Variants in ATP5F1C observed in about 807,000 individuals in gnomAD.
ATP5F1C encodes ATP synthase F1 subunit gamma.
In ATP5F1C, 22 loss-of-function variants were observed where a neutral mutation model predicts 37.4. The observed-to-expected ratio is 0.59, with a 90% confidence interval of 0.42 to 0.84. The LOEUF is 0.84. Ranked by LOEUF, ATP5F1C falls within the 40% of genes least tolerant of loss-of-function variation. The probability of loss-of-function intolerance (pLI) is 0.00; values close to 1 mark genes in which losing one functional copy is unlikely to be tolerated. For missense variants in ATP5F1C, 286 were observed against 362.4 expected (o/e 0.79, Z 1.71); for synonymous variants, 121 against 128.0 (o/e 0.95, Z 0.37).
rs116676587 is a variant in ATP5F1C, at chr10:7,798,143, A to G, written c.224-847A>G. 3.6e-3 allele frequency among the ~76,000 whole-genome samples: 550 copies of G among 152,176 alleles called. 6 individuals carry two copies. The highest frequency in any genetic ancestry group is 0.012 in the African/African-American group (517 of 41,544). ...AAGAAGATCATGCAGTGAACCCCCTATTTATCTACCAAATCCTCAGTATCT... is the reference window on the plus strand; with the variant it reads ...AAGAAGATCATGCAGTGAACCCCCTGTTTATCTACCAAATCCTCAGTATCT... On this transcript the variant is annotated intron_variant, in intron 3 of 9. Transcript: ENST00000356708.
chr10:7,802,289 C>T lies in ATP5F1C; in HGVS notation c.657C>T (p.Asp219=), dbSNP rs149858528. 16 of 1,611,684 alleles carry T rather than the reference C, an allele frequency of 9.9e-6. No homozygotes were observed. The highest frequency in any genetic ancestry group is 2.7e-5 in the African/African-American group (2 of 74,862). Residue 219 remains aspartate, a synonymous_variant, in exon 7 of 10, where the codon GAC becomes GAT. Coordinates refer to ENST00000356708, the MANE Select transcript of ATP5F1C (RefSeq NM_001001973.3). ...VASADSMSIY[D]DIDADVLQNY... ...TAACAGACAGCATGAGTATCTATGACGATATTGATGCTGACGTGCTGCAAA... is the reference window on the plus strand; with the variant it reads ...TAACAGACAGCATGAGTATCTATGATGATATTGATGCTGACGTGCTGCAAA...
intron 4 of ATP5F1C, 98 bp downstream of exon 4, chr10:7,799,292 C>G: frequency 8.6e-7 from 1 of 1,168,744 alleles, no homozygotes. Flanking sequence ...TCATCAATAA[C>G]AAGGTATATT....
In ATP5F1C at chr10:7,799,921, A is replaced by G; in HGVS notation, c.572+6A>G. On this transcript the variant is annotated splice_donor_region_variant and intron_variant, in intron 5 of 9. Coordinates refer to ENST00000356708, the MANE Select transcript of ATP5F1C (RefSeq NM_001001973.3). ...ATCATCTTTAATAAATTCAGGCAAG[A>G]CAGATTTAGAAATCAAAGCTTTTTT... 1.2e-6 allele frequency: 2 copies of G among 1,609,756 alleles called. No individual in the cohort carries two copies. Among genetic ancestry groups the G allele is most frequent in the Non-Finnish European group, 1.7e-6 (2 of 1,178,268 alleles).
intron 4 of ATP5F1C, chr10:7,799,476 T>A (rs936937455): frequency 3.6e-6 from 2 of 553,208 alleles, no homozygotes; most frequent in African/African-American, 3.7e-5. Context: ...TTAAGCCAAA[T>A]GAGGCATCTG....
At chr10:7,796,994 A>G in intron 2 of ATP5F1C, 53 bp from the exon 3 acceptor site, 1 of 1,568,688 alleles carries the variant, frequency 6.4e-7, no homozygotes, top group African/African-American at 1.4e-5. Context: ...ATAAATTCAC[A>G]AGGAAGTTAT....
chr10:7,788,246 G>A lies in ATP5F1C; in HGVS notation c.39G>A (p.Trp13Ter). The A allele has an allele frequency of 6.2e-7, 1 of 1,613,574 alleles. No individual in the cohort carries two copies. The highest frequency in any genetic ancestry group is 1.1e-5 in the South Asian group (1 of 91,010). Residue 13 changes from tryptophan to a stop codon, truncating the protein, a stop_gained, in exon 1 of 10, where the codon TGG becomes TGA. Coordinates refer to ENST00000356708, the MANE Select transcript of ATP5F1C (RefSeq NM_001001973.3). LOFTEE classifies it high-confidence loss of function. ...CGGGTGTCGCTGGGCTGTCGGCCTG[G>A]ACCTTGCAGCCGCAATGGTATGGCA... ...SRAGVAGLSA[W>*]TLQPQWIQVR...
intron 1 of ATP5F1C, among the ~76,000 whole-genome samples, chr10:7,794,443 G>A (rs1836206239): frequency 6.6e-6 from 1 of 151,064 alleles, no homozygotes. Context: ...TGTCTTGTTC[G>A]CAATCTTATG....
chr10:7,800,339 G>A (rs1439382277), intron 6 of ATP5F1C, among the ~76,000 whole-genome samples: 4 of 151,942 alleles, frequency 2.6e-5, no homozygotes, highest in African/African-American at 9.7e-5. Context: ...GGGACTACAG[G>A]CACCCGCCAC....
At chr10:7,792,009 A>T (rs1016102943) in intron 1 of ATP5F1C, among the ~76,000 whole-genome samples, 2 of 152,206 alleles carry the variant, frequency 1.3e-5, no homozygotes, top group Admixed American at 6.5e-5. Context: ...AACTTGTGTC[A>T]GTTGAAGTGT....
At position 7,799,771 on chromosome 10, in the gene ATP5F1C, G is replaced by T. The variant is rs1400129914; in HGVS notation, c.429-1G>T. The T allele has an allele frequency of 6.2e-7, 1 of 1,613,156 alleles. No individual in the cohort carries two copies. The highest frequency in any genetic ancestry group is 2.2e-5 in the East Asian group (1 of 44,868). ...TATGTGAGCTCTTGCTTTTCTTATAGGACTCATTCTGACCAGTTTCTGGTG... is the reference window on the plus strand; with the variant it reads ...TATGTGAGCTCTTGCTTTTCTTATATGACTCATTCTGACCAGTTTCTGGTG... On this transcript the variant is annotated splice_acceptor_variant, in intron 4 of 9. Coordinates refer to ENST00000356708, the MANE Select transcript of ATP5F1C (RefSeq NM_001001973.3). LOFTEE classifies it high-confidence loss of function.
Position 7,799,038 on chromosome 10 carries a change from A to T in ATP5F1C, c.272A>T (p.His91Leu). The part of the protein sequence containing the change: ...DIKGPEDKKK[H>L]LLIGVSSDRG... Reference sequence around the variant, plus strand: ...AAGGGGCCTGAAGACAAGAAGAAACACCTCCTTATTGGTGTGTCCTCAGAT... The same window carrying T: ...AAGGGGCCTGAAGACAAGAAGAAACTCCTCCTTATTGGTGTGTCCTCAGAT... The change falls in exon 4 of 10, where the codon CAC (histidine) becomes CTC (leucine). Residue 91 changes from histidine to leucine, a missense_variant. By Grantham distance (99) the His-to-Leu change is moderately conservative. Transcript: ENST00000356708. 6.2e-7 allele frequency: 1 copy of T among 1,612,516 alleles called. No individual in the cohort carries two copies.
At chr10:7,806,619 A>C (rs1022231353) in intron 8 of ATP5F1C, among the ~76,000 whole-genome samples, 2 of 151,214 alleles carry the variant, frequency 1.3e-5, no homozygotes, top group African/African-American at 4.9e-5. Flanking sequence ...ACGCCACTGC[A>C]CTCCAGCCTG....
rs544867556 is a variant in ATP5F1C at position 7,796,911 on chromosome 10, G to A, written c.92-136G>A. ...TAGTACTAGTTCTAATATTAAGACT[G>A]GTTTAGCATCGTGCTGTTTATTGTT... On this transcript the variant is annotated intron_variant, in intron 2 of 9. Transcript: ENST00000356708. The A allele has an allele frequency of 9.1e-5, 91 of 994,984 alleles. No homozygotes were observed. In the African/African-American group the frequency reaches 1.4e-3, roughly 15 times the overall value. 61.6% of individuals were successfully genotyped at this position (994,984 alleles called of 1,614,324 possible).
rs193277802 is a variant in ATP5F1C at position 7,796,321 on chromosome 10, A to G, written c.91+166A>G. On this transcript the variant is annotated intron_variant, in intron 2 of 9. Coordinates refer to ENST00000356708, the MANE Select transcript of ATP5F1C (RefSeq NM_001001973.3). The stretch of plus-strand genomic sequence containing the variant: ...ACATTGGACTTGTTCTGAAAAGACC[A>G]GTAAGAAAGGACACCTGAGACAGCT... The G allele has an allele frequency of 9.0e-4, 491 of 543,008 alleles. 3 individuals carry two copies. The highest frequency in any genetic ancestry group is 8.7e-3 in the African/African-American group (442 of 51,070). The allele number at this position is 543,008 out of a possible 1,614,324, so 33.6% of individuals were successfully genotyped here. A position where few individuals can be genotyped will look rare whatever the true frequency, so the allele number is the denominator to read the frequency against.
At chr10:7,790,994 GA>G (rs1836154057) in intron 1 of ATP5F1C, among the ~76,000 whole-genome samples, 1 of 152,094 alleles carries the variant, frequency 6.6e-6, no homozygotes, top group Admixed American at 6.6e-5. Context: ...TTGGACTTGC[GA>G]AAAGAGGAAA....
intron 6 of ATP5F1C, 71 bp from the exon 7 acceptor site, chr10:7,802,199 G>GA: frequency 6.7e-7 from 1 of 1,481,956 alleles, no homozygotes; most frequent in Non-Finnish European, 9.0e-7. Context: ...GTTTTACACT[G>GA]AAAAGCTGTT....
At chr10:7,793,043 G>A (rs561286988) in intron 1 of ATP5F1C, among the ~76,000 whole-genome samples, 21 of 152,276 alleles carry the variant, frequency 1.4e-4, no homozygotes, top group Non-Finnish European at 2.8e-4. Context: ...ATATCTTACT[G>A]TTTTAACTTG....
intron 6 of ATP5F1C, 134 bp from the exon 7 acceptor site, chr10:7,802,136 A>G: frequency 1.1e-6 from 1 of 899,272 alleles, no homozygotes; most frequent in Non-Finnish European, 1.6e-6. Context: ...CATTATTAGA[A>G]CAGATTCATT....
intron 4 of ATP5F1C, 198 bp from the exon 5 acceptor site, chr10:7,799,574 T>C: frequency 1.6e-6 from 1 of 610,782 alleles, no homozygotes; most frequent in Non-Finnish European, 2.8e-6. Flanking sequence ...AAAACAGACC[T>C]CATTTTTAGT....
Sources: gnomAD v4.1 joint callset for allele counts (sites outside exome capture counted in the v4.1 genomes callset) on GRCh38, gnomAD v4.1.1 for gene constraint, MANE v1.5 for transcripts, NCBI Gene and HGNC (gene_info 2026-07-23, HGNC 2026-07-21) for gene names.